The following DSCAML1 variants were observed in gnomAD, a reference collection of about 807,000 sequenced individuals.
DSCAML1 encodes the protein DS cell adhesion molecule like 1.
In DSCAML1, 38 loss-of-function variants were observed where a neutral mutation model predicts 200.5. That is an observed-to-expected ratio of 0.19 (90% confidence interval 0.15 to 0.25). The LOEUF (loss-of-function observed/expected upper bound fraction) is 0.25. Ranked by LOEUF, DSCAML1 falls within the 10% of genes least tolerant of loss-of-function variation. DSCAML1 has a pLI of 1.00. For missense variants in DSCAML1, 2,223 were observed against 2,858.8 expected (o/e 0.78, Z 5.07); for synonymous variants, 1,215 against 1,165.0 (o/e 1.04, Z -0.87).
At chr11:117,534,622 A>T (rs2050134994) in intron 3 of DSCAML1, among the ~76,000 whole-genome samples, 1 of 152,064 alleles carries the variant, frequency 6.6e-6, no homozygotes, top group South Asian at 2.1e-4. Flanking sequence ...CATTTTATAT[A>T]TTTTTTGAGA....
At chr11:117,697,492 T>C (rs770254947) in intron 3 of DSCAML1, among the ~76,000 whole-genome samples, 10 of 152,196 alleles carry the variant, frequency 6.6e-5, no homozygotes, top group Non-Finnish European at 1.3e-4. Context: ...CATTCAGCAG[T>C]GTTAAGTACA....
intron 3 of DSCAML1, among the ~76,000 whole-genome samples, chr11:117,684,954 C>T (rs1324282760): frequency 2.0e-5 from 3 of 152,228 alleles, no homozygotes; most frequent in Non-Finnish European, 4.4e-5. Flanking sequence ...CCGGTCCAGC[C>T]GGTGCTCTGA....
Position 117,437,760 on chromosome 11 carries a change from T to A in DSCAML1, c.4432+135A>T. ...GTGGTGACGGGAAGGAGGCTGAGGC[T>A]CCTCCCTTCAGTCTCCCTGCATCCC... On this transcript the variant is annotated intron_variant, in intron 25 of 32. Transcript: ENST00000651296. The surrounding 1 kb of genome is among the most constrained non-coding windows in gnomAD (Gnocchi z 5.3). 1.0e-6 allele frequency: 1 copy of A among 1,002,780 alleles called. No individual in the cohort carries two copies. The highest frequency in any genetic ancestry group is 1.4e-6 in the Non-Finnish European group (1 of 706,278). 62.1% of individuals were successfully genotyped at this position (1,002,780 alleles called of 1,614,324 possible). A position where few individuals can be genotyped will look rare whatever the true frequency, so the allele number is the denominator to read the frequency against.
At chr11:117,709,975 T>C (rs145201747) in intron 3 of DSCAML1, among the ~76,000 whole-genome samples, 48 of 152,286 alleles carry the variant, frequency 3.2e-4, no homozygotes, top group Non-Finnish European at 6.2e-4. Flanking sequence ...TCCCTGGACT[T>C]TGCCTGGCCT....
chr11:117,513,958 A>G (rs4938395), intron 8 of DSCAML1, among the ~76,000 whole-genome samples: 26,272 of 152,070 alleles, frequency 0.17, 2,551 homozygotes, highest in South Asian at 0.33. Context: ...TGCCACGTTC[A>G]GTCCTTCCAG....
chr11:117,767,269 C>T (rs745626709), intron 3 of DSCAML1, among the ~76,000 whole-genome samples: 3 of 152,114 alleles, frequency 2.0e-5, no homozygotes, highest in Non-Finnish European at 2.9e-5. Flanking sequence ...AGGCTGACCT[C>T]TCTGTGCCTC....
intron 3 of DSCAML1, among the ~76,000 whole-genome samples, chr11:117,568,295 T>A (rs1476994815): frequency 6.6e-6 from 1 of 152,012 alleles, no homozygotes; most frequent in African/African-American, 2.4e-5. Flanking sequence ...CTGGAAGCAT[T>A]CCCTTTGAAA....
chr11:117,724,964 G>A (rs2054099485), intron 3 of DSCAML1, among the ~76,000 whole-genome samples: 2 of 152,230 alleles, frequency 1.3e-5, no homozygotes, highest in African/African-American at 2.4e-5. Context: ...GAAGGAAATG[G>A]GAGGGCAGAG....
intron 18 of DSCAML1, 21 bp from the exon 19 acceptor site, chr11:117,458,930 CTG>C: frequency 6.2e-7 from 1 of 1,610,076 alleles, no homozygotes; most frequent in Non-Finnish European, 8.5e-7. Flanking sequence ...CCAGCAAACT[CTG>C]AGGACCCAGC....
intron 3 of DSCAML1, among the ~76,000 whole-genome samples, chr11:117,699,946 C>G (rs1021955120): frequency 6.6e-5 from 10 of 152,236 alleles, no homozygotes; most frequent in African/African-American, 2.2e-4. Flanking sequence ...GCAGCCTAAG[C>G]TGACAGAGGG....
intron 3 of DSCAML1, among the ~76,000 whole-genome samples, chr11:117,535,878 C>CT (rs1435427019): frequency 8.1e-6 from 1 of 124,170 alleles, no homozygotes; most frequent in Non-Finnish European, 1.6e-5. Context: ...GCACTTGGCC[C>CT]TACGAGGATT....
intron 3 of DSCAML1, among the ~76,000 whole-genome samples, chr11:117,639,448 C>T (rs569546083): frequency 1.5e-5 from 2 of 131,406 alleles, no homozygotes; most frequent in African/African-American, 5.8e-5. Context: ...GGGTGGGAGG[C>T]TGGATGGGTG....
intron 3 of DSCAML1, among the ~76,000 whole-genome samples, chr11:117,555,149 T>C (rs1265098243): frequency 1.3e-5 from 2 of 152,184 alleles, no homozygotes; most frequent in African/African-American, 4.8e-5. Flanking sequence ...CCTGGATGGG[T>C]GTGTTACCCC....
chr11:117,552,180 G>C (rs1365772941), intron 3 of DSCAML1, among the ~76,000 whole-genome samples: 1 of 151,934 alleles, frequency 6.6e-6, no homozygotes, highest in Non-Finnish European at 1.5e-5. Context: ...TGGGAGCTAC[G>C]TCCCTACTGG....
chr11:117,442,294 T>C (rs1260598316), intron 21 of DSCAML1, among the ~76,000 whole-genome samples: 2 of 151,234 alleles, frequency 1.3e-5, no homozygotes, highest in East Asian at 1.9e-4. Context: ...TGTATGTGTG[T>C]ATATGTGTGC....
intron 3 of DSCAML1, among the ~76,000 whole-genome samples, chr11:117,724,107 T>C (rs1265696966): frequency 6.6e-6 from 1 of 152,104 alleles, no homozygotes; most frequent in African/African-American, 2.4e-5. Flanking sequence ...TTAAAGGCCA[T>C]CACAACATTT....
chr11:117,666,651 AGGCCTGAGCTACG>A (rs2052982585), intron 3 of DSCAML1, among the ~76,000 whole-genome samples: 1 of 152,188 alleles, frequency 6.6e-6, no homozygotes, highest in Non-Finnish European at 1.5e-5. Flanking sequence ...GGGGAGTATG[AGGCCTGAGCTACG>A]GGCAAAAGAC....
At chr11:117,712,423 G>T (rs1372329547) in intron 3 of DSCAML1, among the ~76,000 whole-genome samples, 3 of 152,118 alleles carry the variant, frequency 2.0e-5, no homozygotes, top group African/African-American at 7.2e-5. Context: ...GAAAAGCACA[G>T]TTTCAGGGGC....
intron 3 of DSCAML1, among the ~76,000 whole-genome samples, chr11:117,551,901 C>G (rs73591003): frequency 6.6e-6 from 1 of 151,920 alleles, no homozygotes; most frequent in Non-Finnish European, 1.5e-5. Flanking sequence ...TTACAGGACA[C>G]GAGATGAGGA....
Sources: allele counts gnomAD v4.1 joint callset (sites outside exome capture counted in the v4.1 genomes callset), GRCh38; gene constraint gnomAD v4.1.1; non-coding constraint Gnocchi (gnomAD v3.1); transcripts MANE v1.5; gene names NCBI Gene and HGNC (gene_info 2026-07-23, HGNC 2026-07-21).